SETX: variants seen among roughly 807,000 people sequenced by gnomAD.
SETX encodes helicase senataxin.
In SETX, 90 loss-of-function variants were observed where a neutral mutation model predicts 227.2. The observed-to-expected ratio is 0.40, with a 90% CI of 0.33 to 0.47. The LOEUF is 0.47. Ranked by LOEUF, SETX falls within the 20% of genes least tolerant of loss-of-function variation. The pLI is 0.91. For synonymous variants in SETX, 1,210 were observed against 1,113.2 expected, an observed-to-expected ratio of 1.09 and a Z score of -1.73; for missense variants, 3,052 against 3,181.5, an observed-to-expected ratio of 0.96 and a Z score of 0.98.
rs369889969 is a variant in SETX, at chr9:132,288,295, A to G, written c.6265T>C (p.Tyr2089His). 5 of 1,614,118 alleles carry G rather than the reference A, an allele frequency of 3.1e-6. No homozygotes were observed. The highest frequency in any genetic ancestry group is 2.7e-5 in the African/African-American group (2 of 74,948). The change falls in exon 17 of 26, where the codon TAT becomes CAT. Residue 2089 changes from tyrosine (Y) to histidine (H), a missense_variant. By Grantham distance (83) the Tyr-to-His change is moderately conservative. Around this residue, in one of 10 missense-constraint regions of SETX, gnomAD observed 412 missense variants for 589.0 expected, o/e 0.70. Transcript: ENST00000224140. Reference sequence around the variant, plus strand: ...TGCCGGGAAAGCTCATCCAGCTGATAATCTAGAAATTCCTTTCTTTTATGC... The same window carrying G: ...TGCCGGGAAAGCTCATCCAGCTGATGATCTAGAAATTCCTTTCTTTTATGC... ...AMHKRKEFLDYQLDELSRQRA... is the reference protein window; with the variant it reads ...AMHKRKEFLDHQLDELSRQRA...
At chr9:132,338,470 T>C (rs1434852923) in intron 5 of SETX, among the ~76,000 whole-genome samples, 1 of 152,162 alleles carries the variant, frequency 6.6e-6, no homozygotes, top group East Asian at 1.9e-4. Context: ...GACAATGAAA[T>C]GTTCCAGATT....
chr9:132,294,472 G>A (rs1248715216), intron 15 of SETX, among the ~76,000 whole-genome samples: 1 of 152,180 alleles, frequency 6.6e-6, no homozygotes, highest in Non-Finnish European at 1.5e-5. Context: ...AAATGTAAAG[G>A]CAAGTGGAAA....
intron 11 of SETX, among the ~76,000 whole-genome samples, chr9:132,309,629 C>T (rs1781439683): frequency 6.6e-6 from 1 of 151,876 alleles, no homozygotes; most frequent in Admixed American, 6.6e-5. Flanking sequence ...TCACTTGAGA[C>T]CAGGAGTTTG....
upstream of SETX, among the ~76,000 whole-genome samples, chr9:132,355,979 T>A (rs113720200): frequency 2.2e-3 from 234 of 105,978 alleles, 1 homozygote; most frequent in African/African-American, 6.3e-3. Context: ...GGAGCGAGAC[T>A]CTCTCTCCGG....
At chr9:132,307,410 G>T (rs191348783) in intron 11 of SETX, among the ~76,000 whole-genome samples, 15 of 151,584 alleles carry the variant, frequency 9.9e-5, no homozygotes, top group Non-Finnish European at 1.9e-4. Flanking sequence ...ATATTTAGAT[G>T]TATTACCCAC....
intron 10 of SETX, 42 bp from the exon 11 acceptor site, chr9:132,311,898 G>C: frequency 7.2e-7 from 1 of 1,383,058 alleles, no homozygotes; most frequent in Non-Finnish European, 1.0e-6. Context: ...CAACATTCTG[G>C]AAAGTGATGC....
chr9:132,313,734 T>C (rs1381795933), intron 10 of SETX, among the ~76,000 whole-genome samples: 5 of 151,986 alleles, frequency 3.3e-5, no homozygotes, highest in African/African-American at 9.7e-5. Flanking sequence ...ATCAGAGCAT[T>C]ATCAAAGTTA....
intron 17 of SETX, among the ~76,000 whole-genome samples, chr9:132,287,040 G>A (rs534893357): frequency 6.6e-6 from 1 of 152,330 alleles, no homozygotes; most frequent in South Asian, 2.1e-4. Context: ...AAATTATGGA[G>A]TGGAGAAATG....
chr9:132,354,267 C>A (rs1382327685), intron 1 of SETX, among the ~76,000 whole-genome samples: 1 of 152,112 alleles, frequency 6.6e-6, no homozygotes, highest in Admixed American at 6.5e-5. Flanking sequence ...GGCGCGGCGG[C>A]TCGGAGGATC....
In SETX at chr9:132,330,230, T is replaced by A; in HGVS notation, c.1368A>T (p.Glu456Asp). The A allele has an allele frequency of 6.4e-7, 1 of 1,569,320 alleles. No homozygotes were observed. The highest frequency in any genetic ancestry group is 8.6e-7 in the Non-Finnish European group (1 of 1,158,074). The change falls in exon 10 of 26, where the codon GAA becomes GAT. Residue 456 changes from glutamate to aspartate, a missense_variant. Glu to Asp is a conservative substitution (Grantham distance 45). Around this residue, in one of 10 missense-constraint regions of SETX, gnomAD observed 179 missense variants for 197.1 expected, o/e 0.91. Transcript: ENST00000224140. Reference protein sequence around the residue: ...QTDAVCDKVTEFFLLILVSVI... With the variant: ...QTDAVCDKVTDFFLLILVSVI... ...CTGATACCAAAATTAGAAGAAAAAATTCAGTGACTTTGTCACACACAGCAT... is the reference window on the plus strand; with the variant it reads ...CTGATACCAAAATTAGAAGAAAAAAATCAGTGACTTTGTCACACACAGCAT...
chr9:132,331,543 A>T, intron 7 of SETX, 95 bp from the exon 8 acceptor site: 2 of 1,353,020 alleles, frequency 1.5e-6, no homozygotes, highest in Non-Finnish European at 2.1e-6. Flanking sequence ...TCTGGTGAGT[A>T]GCAACCCAAC....
rs1373924118 is a variant in SETX, at chr9:132,330,340, C to A, written c.1258G>T (p.Asp420Tyr). 5 of 1,613,794 alleles carry A rather than the reference C, an allele frequency of 3.1e-6. No individual in the cohort carries two copies. In the South Asian group the frequency reaches 5.5e-5, roughly 18 times the overall value. Residue 420 changes from aspartate (D) to tyrosine (Y), a missense_variant, in exon 10 of 26, where the codon GAT (aspartate) becomes TAT (tyrosine). Transcript: ENST00000224140. ...TAAGCCACACCCAAATCCTTAAGAT[C>A]CATGAGGGACTGGACAAAAGGGATG... ...WFIPFVQSLM[D>Y]LKDLGVAYIA...
At chr9:132,295,007 A>G (rs1844588494) in intron 15 of SETX, among the ~76,000 whole-genome samples, 1 of 152,266 alleles carries the variant, frequency 6.6e-6, no homozygotes, top group African/African-American at 2.4e-5. Context: ...CTTAAGGAAA[A>G]CTAAATTTGG....
rs1229540765 is a variant in SETX at position 132,349,314 on chromosome 9, A to G, written c.115T>C (p.Tyr39His). The change falls in exon 3 of 26, where the codon TAC becomes CAC. Residue 39 changes from tyrosine (Y) to histidine (H), a missense_variant. Around this residue, in one of 10 missense-constraint regions of SETX, gnomAD observed 152 missense variants for 156.2 expected, o/e 0.97. Transcript: ENST00000224140. ...EFQTADEDLC[Y>H]CLECVAEYHK... ...TACTCAGCCACACACTCCAAGCAGTAGCAGAGGTCTTCGTCGGCTGTTTGA... is the reference window on the plus strand; with the variant it reads ...TACTCAGCCACACACTCCAAGCAGTGGCAGAGGTCTTCGTCGGCTGTTTGA... 6.2e-7 allele frequency: 1 copy of G among 1,614,106 alleles called. No individual in the cohort carries two copies. Among genetic ancestry groups the G allele is most frequent in the Non-Finnish European group, 8.5e-7 (1 of 1,180,012 alleles).
In SETX at chr9:132,330,503, A is replaced by T; in HGVS notation, c.1099-4T>A. On this transcript the variant is annotated splice_region_variant and splice_polypyrimidine_tract_variant and intron_variant, in intron 9 of 25. Transcript: ENST00000224140. ...TGGCTGTTCTCCATCCAGAATCCTA[A>T]AATGAAAGAAATGCTGATGTTCAGA... is the stretch of plus-strand genomic sequence containing the variant. 6.2e-7 allele frequency: 1 copy of T among 1,609,540 alleles called. No homozygotes were observed. The highest frequency in any genetic ancestry group is 8.5e-7 in the Non-Finnish European group (1 of 1,178,684).
intron 14 of SETX, among the ~76,000 whole-genome samples, chr9:132,296,597 T>C (rs1487078349): frequency 2.0e-5 from 3 of 151,204 alleles, no homozygotes; most frequent in Admixed American, 6.6e-5. Flanking sequence ...CCAACCAAAA[T>C]GCAGCCCAGC....
At chr9:132,300,079 G>A (rs376974179) in intron 12 of SETX, among the ~76,000 whole-genome samples, 2 of 123,492 alleles carry the variant, frequency 1.6e-5, no homozygotes, top group African/African-American at 6.2e-5. Context: ...GCAGTGAGCC[G>A]ATACAGCACC....
chr9:132,263,469 T>G lies in SETX; in HGVS notation c.*770A>C, dbSNP rs1236182749. 1.3e-5 allele frequency: 2 copies of G among 152,226 alleles called. No homozygotes were observed. Among genetic ancestry groups the G allele is most frequent in the Non-Finnish European group, 2.9e-5 (2 of 68,044 alleles). 9.4% of individuals were successfully genotyped at this position (152,226 alleles called of 1,614,324 possible). On this transcript the variant is annotated 3_prime_UTR_variant, in exon 26 of 26. Coordinates refer to ENST00000224140, the MANE Select transcript of SETX (RefSeq NM_015046.7). The stretch of plus-strand genomic sequence containing the variant: ...TGAATGATAGCTCAAGAATTATTCT[T>G]TCACTCCATATTCTTCTCTCTCAAG...
intron 12 of SETX, among the ~76,000 whole-genome samples, chr9:132,299,977 A>G (rs1467489025): frequency 6.6e-6 from 1 of 151,976 alleles, no homozygotes; most frequent in Non-Finnish European, 1.5e-5. Flanking sequence ...AAAAACACAA[A>G]AAATTAGCCG....
Sources: allele counts gnomAD v4.1 joint callset (sites outside exome capture counted in the v4.1 genomes callset), GRCh38; gene constraint gnomAD v4.1.1; regional missense constraint gnomAD v4.1.1; transcripts MANE v1.5; gene names NCBI Gene and HGNC (gene_info 2026-07-23, HGNC 2026-07-21).